CLIC4: variants seen among roughly 807,000 people sequenced by gnomAD.
CLIC4 encodes CLIC family member 4.
In CLIC4, 13 loss-of-function variants were observed where a neutral mutation model predicts 24.6. That is an observed-to-expected ratio of 0.53 (90% CI 0.34 to 0.84). The LOEUF (loss-of-function observed/expected upper bound fraction) is 0.84. Among genes scored for constraint, CLIC4 ranks in the 40% least tolerant of loss-of-function variants. The pLI, the probability that CLIC4 is intolerant of heterozygous loss-of-function variation, is 0.01. For synonymous variants in CLIC4, 104 were observed against 111.3 expected (o/e 0.93, Z 0.41); for missense variants, 227 against 301.7 (o/e 0.75, Z 1.83).
At chr1:24,785,768 C>G (rs1339833110) in intron 1 of CLIC4, among the ~76,000 whole-genome samples, 2 of 141,560 alleles carry the variant, frequency 1.4e-5, no homozygotes, top group African/African-American at 2.6e-5. Context: ...AGGAGAATTG[C>G]TTGAACCCAG....
intron 3 of CLIC4, among the ~76,000 whole-genome samples, chr1:24,815,390 T>C (rs564549917): frequency 1.3e-5 from 2 of 152,214 alleles, no homozygotes; most frequent in East Asian, 3.9e-4. Context: ...TAATCCCAGC[T>C]ACTCGGGAGG....
rs1183739811 is a variant in CLIC4 at position 24,827,064 on chromosome 1, C to G, written c.363C>G (p.Ile121Met). ...AATCAAATACTGCTGGAATGGACAT[C>G]TTTGCCAAATTCTCTGCATATATCA... ...HPESNTAGMD[I>M]FAKFSAYIKN... Residue 121 changes from isoleucine (I) to methionine (M), a missense_variant, in exon 4 of 6, where the codon ATC becomes ATG. By Grantham distance (10) the Ile-to-Met change is conservative. Coordinates refer to ENST00000374379, the MANE Select transcript of CLIC4 (RefSeq NM_013943.3). 1 of 1,611,858 alleles carries G rather than the reference C, an allele frequency of 6.2e-7. No individual in the cohort carries two copies. The highest frequency in any genetic ancestry group is 1.3e-5 in the African/African-American group (1 of 74,948).
intron 1 of CLIC4, among the ~76,000 whole-genome samples, chr1:24,787,892 G>C (rs1249954266): frequency 7.1e-6 from 1 of 139,864 alleles, no homozygotes; most frequent in African/African-American, 2.8e-5. Flanking sequence ...GTCTTGCTCT[G>C]TTGCCCAGGC....
intron 1 of CLIC4, among the ~76,000 whole-genome samples, chr1:24,770,489 T>TC (rs1639057844): frequency 6.6e-6 from 1 of 152,106 alleles, no homozygotes; most frequent in Non-Finnish European, 1.5e-5. Context: ...ATCTGTTTTT[T>TC]CCCCCCTTGC....
chr1:24,827,179 T>C (rs1231656332), intron 4 of CLIC4, 63 bp downstream of exon 4: 20 of 986,198 alleles, frequency 2.0e-5, no homozygotes, highest in Non-Finnish European at 3.0e-5. Flanking sequence ...CAGGCTGTTA[T>C]TATGACAGTG....
At chr1:24,831,926 ACCATGCCCGGCCATGCATTCACTG>A (rs1639845653) in intron 4 of CLIC4, among the ~76,000 whole-genome samples, 1 of 152,250 alleles carries the variant, frequency 6.6e-6, no homozygotes, top group African/African-American at 2.4e-5. Flanking sequence ...GGTGTGAAGC[ACCATGCCCGGCCATGCATTCACTG>A]CCTTTAATAA....
chr1:24,759,492 C>T (rs746728281), intron 1 of CLIC4, among the ~76,000 whole-genome samples: 29 of 151,416 alleles, frequency 1.9e-4, no homozygotes, highest in Admixed American at 5.9e-4. Flanking sequence ...TTGTCTCATG[C>T]ACTTTTTTAT....
chr1:24,825,502 A>G (rs896623295), intron 3 of CLIC4, among the ~76,000 whole-genome samples: 11 of 152,228 alleles, frequency 7.2e-5, no homozygotes, highest in African/African-American at 2.2e-4. Flanking sequence ...CTAGATAGAT[A>G]TAGATATCTA....
chr1:24,777,585 G>A (rs1571238736), intron 1 of CLIC4, among the ~76,000 whole-genome samples: 1 of 152,144 alleles, frequency 6.6e-6, no homozygotes, highest in East Asian at 1.9e-4. Context: ...AATGAGTCAG[G>A]TACATCATCT....
At chr1:24,815,792 C>T (rs116173270) in intron 3 of CLIC4, among the ~76,000 whole-genome samples, 1 of 152,150 alleles carries the variant, frequency 6.6e-6, no homozygotes, top group Non-Finnish European at 1.5e-5. Context: ...CTCAAGAGGT[C>T]CTGAGAACAT....
At chr1:24,783,633 G>A (rs899756894) in intron 1 of CLIC4, among the ~76,000 whole-genome samples, 3 of 152,156 alleles carry the variant, frequency 2.0e-5, no homozygotes, top group African/African-American at 7.2e-5. Context: ...AACCCAGTGG[G>A]TGGAGGTTGC....
intron 3 of CLIC4, among the ~76,000 whole-genome samples, chr1:24,814,657 C>T (rs1447000120): frequency 3.9e-5 from 6 of 152,114 alleles, no homozygotes; most frequent in Non-Finnish European, 8.8e-5. Context: ...AGCTATAATC[C>T]AAGGACATTG....
chr1:24,747,402 C>T (rs1165712753), intron 1 of CLIC4, among the ~76,000 whole-genome samples: 1 of 151,102 alleles, frequency 6.6e-6, no homozygotes, highest in Non-Finnish European at 1.5e-5. Flanking sequence ...GGCGTGGTGG[C>T]GCGTGCCTGT....
chr1:24,841,163 C>T lies in CLIC4; in HGVS notation c.*226C>T, dbSNP rs192079959. The stretch of plus-strand genomic sequence containing the variant: ...TGGCTACCTCCCCTACCCGGGTTCC[C>T]CTCTCTTTAATTTGGAGACACTCCA... On this transcript the variant is annotated 3_prime_UTR_variant, in exon 6 of 6. Coordinates refer to ENST00000374379, the MANE Select transcript of CLIC4 (RefSeq NM_013943.3). The T allele has an allele frequency of 2.7e-5, 8 of 296,200 alleles. No homozygotes were observed. The highest frequency in any genetic ancestry group is 1.5e-4 in the African/African-American group (7 of 46,334). 18.3% of individuals were successfully genotyped at this position (296,200 alleles called of 1,614,324 possible).
intron 2 of CLIC4, among the ~76,000 whole-genome samples, chr1:24,802,304 A>G (rs1156380924): frequency 1.3e-5 from 2 of 152,102 alleles, no homozygotes; most frequent in East Asian, 3.8e-4. Context: ...CTATAGGTTG[A>G]TTGATATTTG....
chr1:24,827,628 A>C (rs1639800477), intron 4 of CLIC4, among the ~76,000 whole-genome samples: 1 of 133,990 alleles, frequency 7.5e-6, no homozygotes, highest in Non-Finnish European at 1.6e-5. Context: ...GAGTTGCTTT[A>C]AGAGGGTAAT....
At position 24,843,763 on chromosome 1, in the gene CLIC4, T is replaced by C. The variant is rs1255049590; in HGVS notation, c.*2826T>C. The C allele has an allele frequency of 6.5e-6, 1 of 152,776 alleles. No homozygotes were observed. Among genetic ancestry groups the C allele is most frequent in the East Asian group, 1.9e-4 (1 of 5,194 alleles). 9.5% of individuals were successfully genotyped at this position (152,776 alleles called of 1,614,324 possible). On this transcript the variant is annotated 3_prime_UTR_variant, in exon 6 of 6. Coordinates refer to ENST00000374379, the MANE Select transcript of CLIC4 (RefSeq NM_013943.3). Reference sequence around the variant, plus strand: ...ATTCTTACACTAAATGGATCAACTCTAGGATTTAGGCATGTTAACTTCTGT... The same window carrying C: ...ATTCTTACACTAAATGGATCAACTCCAGGATTTAGGCATGTTAACTTCTGT...
rs1364425334 is a variant in CLIC4 at position 24,841,608 on chromosome 1, A to G, written c.*671A>G. The stretch of plus-strand genomic sequence containing the variant: ...AATTGTAACATCTGACACCATGTAG[A>G]AGCTAAAAGTTTAGAGGGAGTGAGG... On this transcript the variant is annotated 3_prime_UTR_variant, in exon 6 of 6. Transcript: ENST00000374379. 6.6e-6 allele frequency: 1 copy of G among 152,170 alleles called. No individual in the cohort carries two copies. 9.4% of individuals were successfully genotyped at this position (152,170 alleles called of 1,614,324 possible).
At chr1:24,757,567 C>T (rs1411909246) in intron 1 of CLIC4, among the ~76,000 whole-genome samples, 5 of 152,146 alleles carry the variant, frequency 3.3e-5, no homozygotes, top group South Asian at 2.1e-4. Flanking sequence ...TAGTGAGACC[C>T]TGTCTCTACA....
Sources: gnomAD v4.1 joint callset for allele counts (sites outside exome capture counted in the v4.1 genomes callset) on GRCh38, gnomAD v4.1.1 for gene constraint, MANE v1.5 for transcripts, NCBI Gene and HGNC (gene_info 2026-07-23, HGNC 2026-07-21) for gene names.